Variants in ANK2 observed in about 807,000 individuals in gnomAD.
ANK2 encodes the protein ankyrin 2.
Under a neutral mutation model 360.5 loss-of-function variants are expected in ANK2, and 83 were observed. The observed-to-expected ratio is 0.23, with a 90% CI of 0.19 to 0.28. ANK2 has a LOEUF of 0.28. Among genes scored for constraint, ANK2 ranks in the 10% least tolerant of loss-of-function variants. ANK2 has a pLI of 1.00. For synonymous variants in ANK2, 1,740 were observed against 1,759.5 expected (o/e 0.99, Z 0.28); for missense variants, 4,201 against 4,795.7 (o/e 0.88, Z 3.66).
chr4:113,090,092 G>A (rs191753178), intron 1 of ANK2, among the ~76,000 whole-genome samples: 2 of 152,296 alleles, frequency 1.3e-5, no homozygotes, highest in East Asian at 3.9e-4. Flanking sequence ...AAGGAAGTCT[G>A]TGAAATCATA....
the ANK2 span, among the ~76,000 whole-genome samples, chr4:112,769,670 C>T: frequency 3.3e-5 from 5 of 152,104 alleles, no homozygotes; most frequent in African/African-American, 4.8e-5. Flanking sequence ...GGTTAAACAT[C>T]GTTTCTGAGT....
At chr4:112,835,824 A>G (rs1424253311) in intron 1 of ANK2, among the ~76,000 whole-genome samples, 1 of 152,262 alleles carries the variant, frequency 6.6e-6, no homozygotes, top group Admixed American at 6.5e-5. Flanking sequence ...TCTGTTGGAT[A>G]GGGCTTAGCA....
chr4:113,059,401 A>C (rs2071947322), intron 1 of ANK2, among the ~76,000 whole-genome samples: 1 of 152,192 alleles, frequency 6.6e-6, no homozygotes, highest in Admixed American at 6.6e-5. Context: ...CATGAACTAT[A>C]GTACATATGT....
At position 113,272,934 on chromosome 4, in the gene ANK2, T is replaced by C. The variant is rs2059053561; in HGVS notation, c.1486-1518T>C. On this transcript the variant is annotated intron_variant, in intron 14 of 45. Coordinates refer to ENST00000357077, the MANE Select transcript of ANK2 (RefSeq NM_001148.6). ...GTTTTTAAATTGTTGTTTGTTTTGCTAACCATTTATTTTTATAAATAAAAA... is the reference window on the plus strand; with the variant it reads ...GTTTTTAAATTGTTGTTTGTTTTGCCAACCATTTATTTTTATAAATAAAAA... 3.3e-5 allele frequency among the ~76,000 whole-genome samples: 5 copies of C among 152,334 alleles called. No homozygotes were observed. The South Asian group carries it at 1.0e-3, about 32-fold the overall frequency.
intron 18 of ANK2, among the ~76,000 whole-genome samples, chr4:113,283,773 G>T (rs151087558): frequency 7.9e-5 from 12 of 152,188 alleles, no homozygotes; most frequent in Non-Finnish European, 1.0e-4. Context: ...GATGCTTTTT[G>T]TAATACATTA....
At chr4:113,297,670 G>A (rs1054094492) in intron 22 of ANK2, among the ~76,000 whole-genome samples, 4 of 151,944 alleles carry the variant, frequency 2.6e-5, no homozygotes, top group Non-Finnish European at 2.9e-5. Flanking sequence ...TAGGTCCATC[G>A]ATTAGAAATT....
chr4:113,013,908 AT>A (rs34483947), intron 2 of ANK2, among the ~76,000 whole-genome samples: 33 of 150,608 alleles, frequency 2.2e-4, no homozygotes, highest in African/African-American at 6.8e-4. Flanking sequence ...TAAAATCAGC[AT>A]TTTTTTTTTC....
rs753223319 is a variant in ANK2, at chr4:113,356,758, G to T, written c.8140G>T (p.Val2714Phe). 2 of 1,614,088 alleles carry T rather than the reference G, an allele frequency of 1.2e-6. No homozygotes were observed. The highest frequency in any genetic ancestry group is 2.2e-5 in the East Asian group (1 of 44,874). ...AGAAGAAGTACAATTCCAGCCTGTC[G>T]TTTCCAAACAATATACTTTCAAGAT... ...SPEEVQFQPV[V>F]SKQYTFKMNE... Residue 2714 changes from valine to phenylalanine, a missense_variant, in exon 38 of 46, where the codon GTT becomes TTT. By Grantham distance (50) the Val-to-Phe change is conservative. Coordinates refer to ENST00000357077, the MANE Select transcript of ANK2 (RefSeq NM_001148.6).
chr4:112,894,768 C>T (rs893432141), intron 1 of ANK2, among the ~76,000 whole-genome samples: 1 of 152,126 alleles, frequency 6.6e-6, no homozygotes, highest in African/African-American at 2.4e-5. Context: ...TTTATAGGAG[C>T]AGAAACAAGA....
chr4:112,773,282 A>G, the ANK2 span, among the ~76,000 whole-genome samples: 1 of 151,914 alleles, frequency 6.6e-6, no homozygotes, highest in Non-Finnish European at 1.5e-5. Context: ...GTGCTGCTGA[A>G]CTCCAGCCTG....
intron 22 of ANK2, among the ~76,000 whole-genome samples, chr4:113,300,695 G>A (rs1201314208): frequency 6.6e-6 from 1 of 152,128 alleles, no homozygotes; most frequent in East Asian, 1.9e-4. Context: ...GAAGATTTCT[G>A]GTAAATGAGA....
chr4:113,143,945 T>C (rs1021915379), intron 1 of ANK2, among the ~76,000 whole-genome samples: 1 of 152,224 alleles, frequency 6.6e-6, no homozygotes, highest in Non-Finnish European at 1.5e-5. Flanking sequence ...TTGCTTGATG[T>C]ATCCCAGCCA....
In ANK2 at chr4:113,373,116, A is replaced by T. The variant is rs1424442589; in HGVS notation, c.11637A>T (p.Pro3879=). The part of the protein sequence containing the change: ...EKGDDMPEIP[P]ETVTEEEYID... The stretch of plus-strand genomic sequence containing the variant: ...GAGACGATATGCCTGAAATACCCCC[A>T]GAAACAGTCACAGAAGAAGAATACA... Residue 3879 remains proline (P), a synonymous_variant, in exon 44 of 46, where the codon CCA becomes CCT. Transcript: ENST00000357077. The T allele has an allele frequency of 6.2e-7, 1 of 1,614,050 alleles. No individual in the cohort carries two copies. The highest frequency in any genetic ancestry group is 8.5e-7 in the Non-Finnish European group (1 of 1,179,996).
intron 4 of ANK2, among the ~76,000 whole-genome samples, chr4:113,215,885 A>G (rs960314644): frequency 2.6e-5 from 4 of 152,170 alleles, no homozygotes; most frequent in African/African-American, 4.8e-5. Context: ...TATCATAACT[A>G]ATATTTTTAA....
chr4:112,878,133 G>T (rs190013776), intron 1 of ANK2, among the ~76,000 whole-genome samples: 148 of 106,542 alleles, frequency 1.4e-3, no homozygotes, highest in African/African-American at 5.9e-3. Context: ...TCTATCTCTA[G>T]CTTTTCCCCT....
intron 1 of ANK2, among the ~76,000 whole-genome samples, chr4:113,102,224 G>A (rs1365778336): frequency 1.4e-4 from 22 of 152,042 alleles, no homozygotes; most frequent in Admixed American, 1.3e-4. Flanking sequence ...AGTGTACATG[G>A]AAGATATATT....
intron 1 of ANK2, among the ~76,000 whole-genome samples, chr4:113,072,928 C>T (rs1357104285): frequency 7.2e-6 from 1 of 138,626 alleles, no homozygotes; most frequent in Non-Finnish European, 1.5e-5. Flanking sequence ...TGCTTTTCTT[C>T]TCGACTCTGT....
At chr4:112,778,384 C>G in the ANK2 span, among the ~76,000 whole-genome samples, 1 of 152,078 alleles carries the variant, frequency 6.6e-6, no homozygotes, top group African/African-American at 2.4e-5. Context: ...GTTGGCCAGG[C>G]TGGTCTTGAA....
intron 23 of ANK2, among the ~76,000 whole-genome samples, chr4:113,308,566 A>G (rs1022247211): frequency 6.6e-6 from 1 of 152,226 alleles, no homozygotes; most frequent in Admixed American, 6.5e-5. Flanking sequence ...ACTCAAAAAT[A>G]TAGGGGGAAG....
Sources: gnomAD v4.1 joint callset for allele counts (sites outside exome capture counted in the v4.1 genomes callset) on GRCh38, gnomAD v4.1.1 for gene constraint, MANE v1.5 for transcripts, NCBI Gene and HGNC (gene_info 2026-07-23, HGNC 2026-07-21) for gene names.